The following ELOC variants were observed in gnomAD, a reference collection of about 807,000 sequenced individuals.
The protein encoded by ELOC is elongin-C.
For missense variants in ELOC, 38 were observed against 139.0 expected, an observed-to-expected ratio of 0.27 and a Z score of 3.65; for synonymous variants, 40 against 51.3, an observed-to-expected ratio of 0.78 and a Z score of 0.94.
chr8:73,949,697 G>A (rs556372721), intron 3 of ELOC, among the ~76,000 whole-genome samples: 8 of 152,198 alleles, frequency 5.3e-5, no homozygotes, highest in South Asian at 4.1e-4. Context: ...GCATGCTGTC[G>A]AGGTGCATAC....
chr8:73,970,594 G>A (rs1017635819), intron 1 of ELOC: 1 of 152,216 alleles, frequency 6.6e-6, no homozygotes, highest in Admixed American at 6.5e-5. Flanking sequence ...CTGTTTCCTT[G>A]CCATTGTATC....
intron 1 of ELOC, among the ~76,000 whole-genome samples, chr8:73,965,346 G>C (rs1371120588): frequency 6.6e-6 from 1 of 152,150 alleles, no homozygotes; most frequent in Non-Finnish European, 1.5e-5. Flanking sequence ...GGCTGGAGAG[G>C]ATGTGGAGCA....
At chr8:73,953,512 A>C (rs1813917777) in intron 3 of ELOC, among the ~76,000 whole-genome samples, 1 of 151,690 alleles carries the variant, frequency 6.6e-6, no homozygotes, top group Non-Finnish European at 1.5e-5. Context: ...CCCCGTCTCC[A>C]CTAAAATACA....
chr8:73,954,770 A>G (rs1460726786), intron 3 of ELOC, among the ~76,000 whole-genome samples: 1 of 148,526 alleles, frequency 6.7e-6, no homozygotes, highest in African/African-American at 2.5e-5. Context: ...AGTGGCTCAC[A>G]CCTATAATCC....
intron 3 of ELOC, among the ~76,000 whole-genome samples, chr8:73,953,395 G>A (rs1813905932): frequency 6.6e-6 from 1 of 152,048 alleles, no homozygotes; most frequent in Non-Finnish European, 1.5e-5. Flanking sequence ...AAAAAAGAGT[G>A]GCCAGGCACA....
chr8:73,950,546 T>C (rs1432129274), intron 3 of ELOC, among the ~76,000 whole-genome samples: 1 of 152,200 alleles, frequency 6.6e-6, no homozygotes, highest in Non-Finnish European at 1.5e-5. Context: ...GGAAAGTCAC[T>C]GTTTTGTAAT....
chr8:73,953,672 A>AT (rs1334421152), intron 3 of ELOC, among the ~76,000 whole-genome samples: 1 of 151,970 alleles, frequency 6.6e-6, no homozygotes, highest in Non-Finnish European at 1.5e-5. Flanking sequence ...AAAAAAAAAA[A>AT]CCAAAAAACA....
At chr8:73,960,208 C>T (rs1401742333) in intron 1 of ELOC, among the ~76,000 whole-genome samples, 1 of 152,132 alleles carries the variant, frequency 6.6e-6, no homozygotes, top group Non-Finnish European at 1.5e-5. Flanking sequence ...AACTGCCATA[C>T]TGAGGTGTTT....
At chr8:73,969,651 G>A (rs1168880755) in intron 1 of ELOC, 1 of 152,210 alleles carries the variant, frequency 6.6e-6, no homozygotes, top group African/African-American at 2.4e-5. Flanking sequence ...ACTCCTCAGA[G>A]AGGTCTTCCT....
At chr8:73,957,798 T>G (rs973325473) in intron 2 of ELOC, among the ~76,000 whole-genome samples, 1 of 152,218 alleles carries the variant, frequency 6.6e-6, no homozygotes, top group African/African-American at 2.4e-5. Context: ...TTATTTTTAT[T>G]TTTTGAGATG....
intron 3 of ELOC, among the ~76,000 whole-genome samples, chr8:73,954,515 C>T (rs1056623652): frequency 1.4e-4 from 21 of 151,738 alleles, no homozygotes; most frequent in Admixed American, 7.9e-4. Context: ...ATTAGCCTGG[C>T]GTGTGGTGGG....
At position 73,946,523 on chromosome 8, in the gene ELOC, A is replaced by G. The variant is rs2131051199; in HGVS notation, c.*107T>C. The stretch of plus-strand genomic sequence containing the variant: ...TAATCTGCTTTGCAATGAACTTTAT[A>G]TAGTTCAACTGCATACAGGCAACAT... On this transcript the variant is annotated 3_prime_UTR_variant, in exon 4 of 4. Transcript: ENST00000520242. 1 of 838,176 alleles carries G rather than the reference A, an allele frequency of 1.2e-6. No individual in the cohort carries two copies. The highest frequency in any genetic ancestry group is 2.7e-5 in the East Asian group (1 of 36,810). 51.9% of individuals were successfully genotyped at this position (838,176 alleles called of 1,614,324 possible).
rs186458168 is a variant in ELOC, at chr8:73,968,768, C to T, written c.-51+3309G>A. On this transcript the variant is annotated intron_variant, in intron 1 of 3. Transcript: ENST00000520242. ...GCCATTATTCCCATCCACTTCTTAA[C>T]CTATTCTGATCAGCCTTTGGCCCAC... Among the ~76,000 whole-genome samples, 286 of 152,326 alleles carry T rather than the reference C, an allele frequency of 1.9e-3. 1 individual carries two copies. The highest frequency in any genetic ancestry group is 6.0e-3 in the African/African-American group (251 of 41,592).
rs1210503091 is a variant in ELOC, at chr8:73,963,938, CAATA to C, written c.-50-4124_-50-4121del. 2.0e-5 allele frequency among the ~76,000 whole-genome samples: 3 copies of C among 151,732 alleles called. No individual in the cohort carries two copies. The South Asian group carries it at 6.3e-4, about 32-fold the overall frequency. Reference sequence around the variant, plus strand: ...TGAAACCCCGTCTCCACGAAAAATACAATAATTAGCTGGGTGTAGTAGTGGGTGC... The same window carrying C: ...TGAAACCCCGTCTCCACGAAAAATACATTAGCTGGGTGTAGTAGTGGGTGC... On this transcript the variant is annotated intron_variant, in intron 1 of 3. Transcript: ENST00000520242.
chr8:73,960,393 T>C (rs1014697835), intron 1 of ELOC, among the ~76,000 whole-genome samples: 1 of 152,322 alleles, frequency 6.6e-6, no homozygotes, highest in East Asian at 1.9e-4. Flanking sequence ...CTATTCTTCA[T>C]GGGTCCTGGT....
intron 3 of ELOC, among the ~76,000 whole-genome samples, chr8:73,952,682 G>C (rs921951500): frequency 6.6e-6 from 1 of 150,486 alleles, no homozygotes; most frequent in African/African-American, 2.4e-5. Context: ...TCGGGAGGCT[G>C]AGGCAGGAGA....
chr8:73,956,410 T>C (rs1259257386), intron 2 of ELOC, among the ~76,000 whole-genome samples: 1 of 152,070 alleles, frequency 6.6e-6, no homozygotes. Context: ...AAATAAAAAA[T>C]AAACAGATTT....
intron 3 of ELOC, among the ~76,000 whole-genome samples, chr8:73,948,560 A>G (rs1463320512): frequency 6.6e-6 from 1 of 152,154 alleles, no homozygotes; most frequent in Non-Finnish European, 1.5e-5. Context: ...ACAGAGCAAG[A>G]CTCCGTCTTA....
At chr8:73,968,592 T>C (rs1427772927) in intron 1 of ELOC, among the ~76,000 whole-genome samples, 2 of 152,240 alleles carry the variant, frequency 1.3e-5, no homozygotes, top group Non-Finnish European at 2.9e-5. Flanking sequence ...TCAGTTGCCT[T>C]GTCTCTCCAT....
Sources: gnomAD v4.1 joint callset for allele counts (sites outside exome capture counted in the v4.1 genomes callset) on GRCh38, gnomAD v4.1.1 for gene constraint, MANE v1.5 for transcripts, NCBI Gene and HGNC (gene_info 2026-07-23, HGNC 2026-07-21) for gene names.